Variants in RMDN2 observed in about 807,000 individuals in gnomAD.
The protein encoded by RMDN2 is regulator of microtubule dynamics 2.
Under a neutral mutation model 52.8 loss-of-function variants are expected in RMDN2, and 61 were observed. That is an observed-to-expected ratio of 1.16 (90% confidence interval 0.94 to 1.43). RMDN2 has a LOEUF of 1.43. Ranked by LOEUF, RMDN2 falls within the 40% of genes most tolerant of loss-of-function variation. The pLI is 0.00. For synonymous variants in RMDN2, 180 were observed against 153.1 expected (o/e 1.18, Z -1.30); for missense variants, 592 against 475.3 (o/e 1.25, Z -2.28).
chr2:37,967,119 A>G (rs1456569717), intron 2 of RMDN2, among the ~76,000 whole-genome samples: 2 of 152,228 alleles, frequency 1.3e-5, no homozygotes, highest in Admixed American at 6.5e-5. Context: ...ACACTTCCAC[A>G]TCAATTTGCA....
At chr2:38,001,157 T>C (rs972850515) in intron 8 of RMDN2, among the ~76,000 whole-genome samples, 3 of 152,308 alleles carry the variant, frequency 2.0e-5, no homozygotes, top group East Asian at 1.9e-4. Context: ...TAAGATGTTT[T>C]AAAGAAGAGC....
intron 10 of RMDN2, among the ~76,000 whole-genome samples, chr2:38,037,478 G>T (rs577825986): frequency 1.7e-3 from 253 of 152,322 alleles, no homozygotes; most frequent in Non-Finnish European, 2.1e-3. Context: ...TGGGCTCATT[G>T]TGGAGAATCC....
At chr2:37,975,349 A>G (rs1672330227) in intron 4 of RMDN2, 35 bp downstream of exon 4, 2 of 1,198,688 alleles carry the variant, frequency 1.7e-6, no homozygotes, top group Non-Finnish European at 1.2e-6. Flanking sequence ...TCAAGTAGCA[A>G]TTAAGATCTA....
chr2:37,948,518 G>C (rs1220012827), intron 2 of RMDN2, among the ~76,000 whole-genome samples: 2 of 152,056 alleles, frequency 1.3e-5, no homozygotes, highest in Non-Finnish European at 2.9e-5. Context: ...AGAGAATTGG[G>C]AATGAATTGA....
chr2:38,061,036 A>G (rs930583471), intron 10 of RMDN2, among the ~76,000 whole-genome samples: 1 of 152,206 alleles, frequency 6.6e-6, no homozygotes, highest in African/African-American at 2.4e-5. Context: ...GGTGCACATA[A>G]AATTAAAGAA....
At chr2:37,966,231 A>C (rs1238480446) in intron 2 of RMDN2, among the ~76,000 whole-genome samples, 2 of 152,202 alleles carry the variant, frequency 1.3e-5, no homozygotes, top group East Asian at 3.9e-4. Flanking sequence ...ATCCTGGCTA[A>C]CACGGTGAAA....
downstream of RMDN2, among the ~76,000 whole-genome samples, chr2:38,019,115 C>G (rs1458088721): frequency 6.6e-6 from 1 of 152,170 alleles, no homozygotes; most frequent in African/African-American, 2.4e-5. Context: ...TGCTGAGAGG[C>G]TATGGATACC....
At chr2:37,924,731 A>G (rs987856593), upstream of RMDN2, among the ~76,000 whole-genome samples, 2 of 152,222 alleles carry the variant, frequency 1.3e-5, no homozygotes, top group Non-Finnish European at 2.9e-5. Context: ...GCTGGGTAAA[A>G]CCTTAAATGT....
chr2:38,022,291 A>G (rs1679443414), downstream of RMDN2, among the ~76,000 whole-genome samples: 1 of 152,252 alleles, frequency 6.6e-6, no homozygotes. Flanking sequence ...TATGTAGAAC[A>G]TTATGCCTAC....
chr2:38,020,440 T>C (rs1679261398), downstream of RMDN2, among the ~76,000 whole-genome samples: 1 of 152,198 alleles, frequency 6.6e-6, no homozygotes, highest in African/African-American at 2.4e-5. Context: ...AGCCCACCGC[T>C]GCACTGTGGG....
At chr2:37,980,728 C>A (rs1173270573) in intron 4 of RMDN2, among the ~76,000 whole-genome samples, 5 of 151,942 alleles carry the variant, frequency 3.3e-5, no homozygotes, top group Non-Finnish European at 7.4e-5. Flanking sequence ...TCAGGGAAGC[C>A]TTCCCTTACT....
intron 2 of RMDN2, chr2:37,951,818 C>G: frequency 6.2e-7 from 1 of 1,613,666 alleles, no homozygotes; most frequent in East Asian, 2.2e-5. Context: ...CCTTTGGGAA[C>G]ACTATTGATA....
chr2:37,966,792 A>G (rs904982407), intron 2 of RMDN2, among the ~76,000 whole-genome samples: 6 of 152,158 alleles, frequency 3.9e-5, no homozygotes, highest in African/African-American at 1.4e-4. Flanking sequence ...TGAAAAAACT[A>G]TGCACTGGTT....
At chr2:38,039,111 G>A (rs1376360243) in intron 10 of RMDN2, among the ~76,000 whole-genome samples, 7 of 145,612 alleles carry the variant, frequency 4.8e-5, no homozygotes, top group Non-Finnish European at 9.1e-5. Context: ...GAGATAAAAT[G>A]TTCATGGATT....
chr2:38,026,810 G>T (rs1679814864), intron 10 of RMDN2, among the ~76,000 whole-genome samples: 1 of 151,986 alleles, frequency 6.6e-6, no homozygotes, highest in South Asian at 2.1e-4. Flanking sequence ...TACCACTTTA[G>T]CAGTATCCTA....
At chr2:38,048,224 C>A (rs1286529579) in intron 10 of RMDN2, among the ~76,000 whole-genome samples, 1 of 152,224 alleles carries the variant, frequency 6.6e-6, no homozygotes, top group Non-Finnish European at 1.5e-5. Context: ...TTTTCTTACA[C>A]TCCTTCTTCC....
chr2:37,972,927 T>G (rs141065191), intron 2 of RMDN2, among the ~76,000 whole-genome samples: 2 of 152,350 alleles, frequency 1.3e-5, no homozygotes, highest in East Asian at 3.9e-4. Flanking sequence ...TCATACAGTA[T>G]CTTCTTTGTA....
intron 4 of RMDN2, 70 bp from the exon 5 acceptor site, chr2:37,981,213 A>C: frequency 1.1e-6 from 1 of 933,390 alleles, no homozygotes; most frequent in Non-Finnish European, 1.8e-6. Context: ...GTGAACCATG[A>C]GTTAATTCAA....
At chr2:37,945,147 A>G (rs1297467827) in intron 2 of RMDN2, among the ~76,000 whole-genome samples, 1 of 152,228 alleles carries the variant, frequency 6.6e-6, no homozygotes, top group Non-Finnish European at 1.5e-5. Context: ...AGTAAGTACT[A>G]GCTTGAAAAG....
Sources: gnomAD v4.1 joint callset for allele counts (sites outside exome capture counted in the v4.1 genomes callset) on GRCh38, gnomAD v4.1.1 for gene constraint, MANE v1.5 for transcripts, NCBI Gene and HGNC (gene_info 2026-07-23, HGNC 2026-07-21) for gene names.